The following MAP1A variants were observed in gnomAD, a reference collection of about 807,000 sequenced individuals.
The protein encoded by MAP1A is microtubule-associated protein 1A.
Under a neutral mutation model 185.9 loss-of-function variants are expected in MAP1A, and 42 were observed. The observed-to-expected ratio is 0.23, with a 90% CI of 0.18 to 0.29. The LOEUF (loss-of-function observed/expected upper bound fraction) is 0.29, where lower values mean the gene tolerates loss of function less well. MAP1A is among the 10% of genes least tolerant of loss of function. MAP1A has a pLI of 1.00. For missense variants in MAP1A, 2,995 were observed against 3,450.4 expected (o/e 0.87, Z 3.31); for synonymous variants, 1,229 against 1,335.9 (o/e 0.92, Z 1.74).
chr15:43,530,560 C>T lies in MAP1A; in HGVS notation c.*336C>T, dbSNP rs1052875816. 4 of 242,930 alleles carry T rather than the reference C, an allele frequency of 1.6e-5. No homozygotes were observed. The highest frequency in any genetic ancestry group is 8.8e-5 in the African/African-American group (4 of 45,302). The allele number at this position is 242,930 out of a possible 1,614,324, so 15.0% of individuals were successfully genotyped here. ...GGTCTCAGAGAGCAACCTCCTCCCT[C>T]GTAGAGGGAGATTATATCCCCAACT... On this transcript the variant is annotated 3_prime_UTR_variant, in exon 6 of 6. Transcript: ENST00000300231.
Position 43,528,664 on chromosome 15 carries a change from T to C in MAP1A, c.7191T>C (p.Ala2397=), listed in dbSNP as rs922769483. Residue 2397 remains alanine, a synonymous_variant, in exon 4 of 6, where the codon GCT becomes GCC. Coordinates refer to ENST00000300231, the MANE Select transcript of MAP1A (RefSeq NM_002373.6). The part of the protein sequence containing the change: ...AWERGAWPEG[A]ERSSRPDTLL... Reference sequence around the variant, plus strand: ...AACGTGGGGCCTGGCCTGAAGGAGCTGAGAGGAGCTCCCGGCCTGACACAT... The same window carrying C: ...AACGTGGGGCCTGGCCTGAAGGAGCCGAGAGGAGCTCCCGGCCTGACACAT... The C allele has an allele frequency of 9.9e-6, 16 of 1,613,496 alleles. No individual in the cohort carries two copies. The Admixed American group carries it at 2.2e-4, about 22-fold the overall frequency.
At position 43,525,978 on chromosome 15, in the gene MAP1A, AAGTC is replaced by A; in HGVS notation, c.4508_4511del (p.Val1503GlufsTer15). 6.2e-7 allele frequency: 1 copy of A among 1,614,116 alleles called. No homozygotes were observed. Among genetic ancestry groups the A allele is most frequent in the Non-Finnish European group, 8.5e-7 (1 of 1,180,026 alleles). On this transcript the variant is annotated frameshift_variant, in exon 4 of 6. Coordinates refer to ENST00000300231, the MANE Select transcript of MAP1A (RefSeq NM_002373.6). LOFTEE classifies it high-confidence loss of function. The stretch of plus-strand genomic sequence containing the variant: ...GAGAAAGACAAAGCCTTAGATCAAA[AAGTC>A]AGAAGTGTTGAACATAAGGCTCCGG...
rs1454493313 is a variant in MAP1A, at chr15:43,525,561, A to C, written c.4088A>C (p.Lys1363Thr). 1 of 1,614,258 alleles carries C rather than the reference A, an allele frequency of 6.2e-7. No homozygotes were observed. The highest frequency in any genetic ancestry group is 8.5e-7 in the Non-Finnish European group (1 of 1,180,048). The change falls in exon 4 of 6, where the codon AAG becomes ACG. Residue 1363 changes from lysine (K) to threonine (T), a missense_variant. Physicochemically the swap from Lys to Thr is moderately conservative, Grantham distance 78. This residue lies in a region of MAP1A where 2,728 missense variants were observed against 2,986.0 expected (regional missense o/e 0.91). Coordinates refer to ENST00000300231, the MANE Select transcript of MAP1A (RefSeq NM_002373.6). ...GAACAGAAGAAGGAACCTGAGCCAA[A>C]GGATGAAGTTTTACAGCAGAAAGAC... ...TSEQKKEPEP[K>T]DEVLQQKDKT... is the part of the protein sequence containing the mutation.
At chr15:43,512,518 G>A (rs1036248471) in intron 2 of MAP1A, among the ~76,000 whole-genome samples, 2 of 152,200 alleles carry the variant, frequency 1.3e-5, no homozygotes, top group Non-Finnish European at 2.9e-5. Context: ...TCCTTGAGAA[G>A]AGGGTTGTTT....
At chr15:43,511,057 C>G in exon 1 of MAP1A, 3 of 1,549,264 alleles carry the variant, frequency 1.9e-6, no homozygotes, top group Non-Finnish European at 1.7e-6. Context: ...GGCTGGGGCT[C>G]CGAAGTCCCG....
Position 43,522,008 on chromosome 15 carries a change from G to A in MAP1A, c.535G>A (p.Val179Met). 6.2e-7 allele frequency: 1 copy of A among 1,614,190 alleles called. No individual in the cohort carries two copies. Among genetic ancestry groups the A allele is most frequent in the Non-Finnish European group, 8.5e-7 (1 of 1,180,044 alleles). ...CATCCAGGCTGAGCCTCTATATCGTGTGGTCAGCAATACCATTGAGCCACT... is the reference window on the plus strand; with the variant it reads ...CATCCAGGCTGAGCCTCTATATCGTATGGTCAGCAATACCATTGAGCCACT... ...LGIQAEPLYR[V>M]VSNTIEPLTL... Residue 179 changes from valine to methionine, a missense_variant, in exon 4 of 6, where the codon GTG becomes ATG. This residue lies in a region of MAP1A where 264 missense variants were observed against 435.3 expected (regional missense o/e 0.61). Transcript: ENST00000300231. This position sits in a 1 kb window ranked among gnomAD's most constrained non-coding sequence, Gnocchi z 5.9.
rs1365962492 is a variant in MAP1A, at chr15:43,522,623, T to A, written c.1150T>A (p.Ser384Thr). 6.2e-7 allele frequency: 1 copy of A among 1,609,418 alleles called. No homozygotes were observed. ...PAKPERVKTE[S>T]SEALKAEKRK... is the part of the protein sequence containing the mutation. ...CAAGCCTGAGAGGGTGAAGACAGAG[T>A]CAAGTGAGGCACTGAAGGCAGAGAA... Residue 384 changes from serine to threonine, a missense_variant, in exon 4 of 6, where the codon TCA becomes ACA. Ser to Thr is a moderately conservative substitution (Grantham distance 58). Coordinates refer to ENST00000300231, the MANE Select transcript of MAP1A (RefSeq NM_002373.6). This position sits in a 1 kb window ranked among gnomAD's most constrained non-coding sequence, Gnocchi z 5.9.
chr15:43,528,861 A>G lies in MAP1A; in HGVS notation c.7388A>G (p.Asp2463Gly). 4 of 1,613,332 alleles carry G rather than the reference A, an allele frequency of 2.5e-6. No individual in the cohort carries two copies. In the East Asian group the frequency reaches 8.9e-5, roughly 36 times the overall value. Residue 2463 changes from aspartate to glycine, a missense_variant, in exon 4 of 6, where the codon GAT becomes GGT. Physicochemically the swap from Asp to Gly is moderately conservative, Grantham distance 94. Around this residue, in one of 3 missense-constraint regions of MAP1A, gnomAD observed 2,728 missense variants for 2,986.0 expected, o/e 0.91. Transcript: ENST00000300231. Reference sequence around the variant, plus strand: ...CCACCTCTGCCCCCATCCATAGATGATAGGGACCTCTCAACTGAGGAAGTT... The same window carrying G: ...CCACCTCTGCCCCCATCCATAGATGGTAGGGACCTCTCAACTGAGGAAGTT... ...LNPPLPPSID[D>G]RDLSTEEVRL... is the part of the protein sequence containing the mutation.
Position 43,525,122 on chromosome 15 carries a change from C to T in MAP1A, c.3649C>T (p.Leu1217Phe), listed in dbSNP as rs768118246. Residue 1217 changes from leucine to phenylalanine, a missense_variant, in exon 4 of 6, where the codon CTC (leucine) becomes TTC (phenylalanine). Physicochemically the swap from Leu to Phe is conservative, Grantham distance 22. Coordinates refer to ENST00000300231, the MANE Select transcript of MAP1A (RefSeq NM_002373.6). ...CTCCCTGGATGTCTCTTCTAAGCAGCTCTCTCCAGAAAGCCTTGGCACCCT... is the reference window on the plus strand; with the variant it reads ...CTCCCTGGATGTCTCTTCTAAGCAGTTCTCTCCAGAAAGCCTTGGCACCCT... ...ETSLDVSSKQLSPESLGTLQF... is the reference protein window; with the variant it reads ...ETSLDVSSKQFSPESLGTLQF... The T allele has an allele frequency of 1.2e-6, 2 of 1,614,078 alleles. No individual in the cohort carries two copies. Among genetic ancestry groups the T allele is most frequent in the South Asian group, 1.1e-5 (1 of 91,090 alleles).
chr15:43,525,766 A>C lies in MAP1A; in HGVS notation c.4293A>C (p.Pro1431=), dbSNP rs367559278. 1.9e-6 allele frequency: 3 copies of C among 1,614,072 alleles called. No individual in the cohort carries two copies. Among genetic ancestry groups the C allele is most frequent in the Non-Finnish European group, 2.5e-6 (3 of 1,180,046 alleles). Residue 1431 remains proline (P), a synonymous_variant, in exon 4 of 6, where the codon CCA becomes CCC. Transcript: ENST00000300231. ...ALEQKDKALE[P]KDKDLEEKDK... ...AACAGAAGGACAAGGCCCTGGAACC[A>C]AAAGACAAAGACTTAGAAGAAAAAG...
rs777902832 is a variant in MAP1A at position 43,523,573 on chromosome 15, G to C, written c.2100G>C (p.Gly700=). The change falls in exon 4 of 6, where the codon GGG becomes GGC. Residue 700 remains glycine, a synonymous_variant. Coordinates refer to ENST00000300231, the MANE Select transcript of MAP1A (RefSeq NM_002373.6). The stretch of plus-strand genomic sequence containing the variant: ...CTCCAAGGAGCCGGGAGGCTTTTGG[G>C]GGTCGGGAATTGGGACTCCAGGGCA... ...KVTPRSREAF[G]GRELGLQGKA... is the part of the protein sequence containing the mutation. 2 of 1,614,168 alleles carry C rather than the reference G, an allele frequency of 1.2e-6. No homozygotes were observed. The highest frequency in any genetic ancestry group is 1.7e-6 in the Non-Finnish European group (2 of 1,180,030).
chr15:43,520,259 C>G (rs57938858), intron 1 of MAP1A, among the ~76,000 whole-genome samples: 26,338 of 152,030 alleles, frequency 0.17, 2,428 homozygotes, highest in Middle Eastern at 0.27. Flanking sequence ...GGTCATCATC[C>G]CAGGGGCCCT....
chr15:43,530,772 A>G lies in MAP1A; in HGVS notation c.*548A>G, dbSNP rs1290274233. On this transcript the variant is annotated 3_prime_UTR_variant, in exon 6 of 6. Transcript: ENST00000300231. ...TCTAGCAGGGTCCTGGGGGTATCCC[A>G]CTGCTATACTGTTCTACTGCTTCCC... The G allele has an allele frequency of 6.2e-6, 1 of 161,228 alleles. No homozygotes were observed. The highest frequency in any genetic ancestry group is 1.4e-5 in the Non-Finnish European group (1 of 72,566). 10.0% of individuals were successfully genotyped at this position (161,228 alleles called of 1,614,324 possible).
Position 43,528,004 on chromosome 15 carries a change from C to T in MAP1A, c.6531C>T (p.Pro2177=), listed in dbSNP as rs1350386820. Residue 2177 remains proline, a synonymous_variant, in exon 4 of 6, where the codon CCC becomes CCT. Transcript: ENST00000300231. ...GCTTCTCCTCATTGCAGCCAGCTCC[C>T]CCACAGCTGCCCTCTCCAGCTGAAC... The part of the protein sequence containing the change: ...AFGFSSLQPA[P]PQLPSPAEPR... 2 of 1,613,884 alleles carry T rather than the reference C, an allele frequency of 1.2e-6. No individual in the cohort carries two copies. The highest frequency in any genetic ancestry group is 2.2e-5 in the East Asian group (1 of 44,892).
chr15:43,524,522 G>A lies in MAP1A; in HGVS notation c.3049G>A (p.Glu1017Lys). The change falls in exon 4 of 6, where the codon GAA becomes AAA. Residue 1017 changes from glutamate (E) to lysine (K), a missense_variant. Transcript: ENST00000300231. ...ACCCTTTCATCAGTCCCCAGTGGAA[G>A]AAAAGTCTGAGCCCCAAGACTTTCA... is the stretch of plus-strand genomic sequence containing the variant. ...HTPFHQSPVE[E>K]KSEPQDFQEA... 1 of 1,614,176 alleles carries A rather than the reference G, an allele frequency of 6.2e-7. No homozygotes were observed. Among genetic ancestry groups the A allele is most frequent in the Non-Finnish European group, 8.5e-7 (1 of 1,180,040 alleles).
rs766162870 is a variant in MAP1A at position 43,526,603 on chromosome 15, C to T, written c.5130C>T (p.His1710=). 1.4e-5 allele frequency: 23 copies of T among 1,614,030 alleles called. No individual in the cohort carries two copies. Among genetic ancestry groups the T allele is most frequent in the African/African-American group, 5.3e-5 (4 of 74,916 alleles). The stretch of plus-strand genomic sequence containing the variant: ...GTGAGCGGAAGGTCTGGTTCCCTCA[C>T]GAGCTGGATGGCCAGGGGGCCCGCC... ...LSCERKVWFP[H]ELDGQGARPH... is the part of the protein sequence containing the mutation. Residue 1710 remains histidine, a synonymous_variant, in exon 4 of 6, where the codon CAC becomes CAT. Transcript: ENST00000300231. The surrounding 1 kb of genome is among the most constrained non-coding windows in gnomAD (Gnocchi z 4.7).
At chr15:43,516,642 A>C (rs1249984924), upstream of MAP1A, among the ~76,000 whole-genome samples, 1 of 152,224 alleles carries the variant, frequency 6.6e-6, no homozygotes, top group Non-Finnish European at 1.5e-5. Flanking sequence ...GTAGAGACTA[A>C]GGGAAACAGG....
Position 43,527,467 on chromosome 15 carries a change from A to T in MAP1A, c.5994A>T (p.Pro1998=). The change falls in exon 4 of 6, where the codon CCA becomes CCT. Residue 1998 remains proline (P), a synonymous_variant. Coordinates refer to ENST00000300231, the MANE Select transcript of MAP1A (RefSeq NM_002373.6). ...PPLGAAGDWP[P]CLSTKEAAAG... is the part of the protein sequence containing the mutation. ...TTGGAGCAGCTGGGGATTGGCCCCC[A>T]TGCCTCTCAACCAAGGAGGCAGCTG... The T allele has an allele frequency of 6.2e-7, 1 of 1,614,090 alleles. No homozygotes were observed. The highest frequency in any genetic ancestry group is 1.3e-5 in the African/African-American group (1 of 75,040).
Position 43,517,631 on chromosome 15 carries a change from C to G in MAP1A, c.-444C>G. ...CCACTCCCACCCTAAGTGCTGCAGA[C>G]TCTTCCCTGAAGCTGCCGGCTGAGG... is the stretch of plus-strand genomic sequence containing the variant. On this transcript the variant is annotated 5_prime_UTR_variant, in exon 1 of 6. Coordinates refer to ENST00000300231, the MANE Select transcript of MAP1A (RefSeq NM_002373.6). 2 of 947,774 alleles carry G rather than the reference C, an allele frequency of 2.1e-6. No homozygotes were observed. The highest frequency in any genetic ancestry group is 2.5e-6 in the Non-Finnish European group (2 of 806,026). 58.7% of individuals were successfully genotyped at this position (947,774 alleles called of 1,614,324 possible).
Sources: allele counts gnomAD v4.1 joint callset (sites outside exome capture counted in the v4.1 genomes callset), GRCh38; gene constraint gnomAD v4.1.1; regional missense constraint gnomAD v4.1.1; non-coding constraint Gnocchi (gnomAD v3.1); transcripts MANE v1.5; gene names NCBI Gene and HGNC (gene_info 2026-07-23, HGNC 2026-07-21).